MAGED1: variants seen among roughly 807,000 people sequenced by gnomAD.
The protein encoded by MAGED1 is MAGE family member D1, also known as melanoma-associated antigen D1.
MAGED1 carries 3 observed loss-of-function variants against 54.1 expected under a neutral mutation model. The ratio of observed to expected loss-of-function variants is 0.06; its 90% CI spans 0.03 to 0.14. MAGED1 has a LOEUF of 0.14. MAGED1 is among the 10% of genes least tolerant of loss of function. MAGED1 has a pLI of 1.00. For missense variants in MAGED1, 485 were observed against 623.4 expected (o/e 0.78, Z 2.36); for synonymous variants, 217 against 227.3 (o/e 0.95, Z 0.41).
chrX:51,857,836 A>C (rs1017337779), intron 1 of MAGED1: 9 of 112,221 alleles, frequency 8.0e-5, no homozygotes, highest in African/African-American at 2.6e-4. Flanking sequence ...TATGTACGTA[A>C]AAAATTATGG....
At chrX:51,827,928 C>G (rs942413334) in intron 1 of MAGED1, among the ~76,000 whole-genome samples, 1 of 111,641 alleles carries the variant, frequency 9.0e-6, no homozygotes, top group African/African-American at 3.3e-5. Context: ...TATAGACTTA[C>G]ACTGCGACTT....
chrX:51,896,889 C>T lies in MAGED1; in HGVS notation c.1234C>T (p.Leu412=), dbSNP rs1419291982. 6 of 1,206,397 alleles carry T rather than the reference C, an allele frequency of 5.0e-6. No homozygotes were observed. The highest frequency in any genetic ancestry group is 2.2e-5 in the Admixed American group (1 of 45,624). The change falls in exon 4 of 13, where the codon CTG becomes TTG. Residue 412 remains leucine, a synonymous_variant. Coordinates refer to ENST00000326587, the MANE Select transcript of MAGED1 (RefSeq NM_006986.4). ...PDWPLPPDWP[L]PPDWPLPTDW... ...CTGGCCGCTACCACCCGACTGGCCA[C>T]TGCCACCTGATTGGCCACTTCCCAC... is the stretch of plus-strand genomic sequence containing the variant.
rs782611484 is a variant in MAGED1, at chrX:51,829,852, T to C, written c.-37+26735T>C. Among the ~76,000 whole-genome samples, 9 of 111,806 alleles carry C rather than the reference T, an allele frequency of 8.0e-5. No homozygotes were observed. The Admixed American group carries it at 8.5e-4, about 11-fold the overall frequency. Reference sequence around the variant, plus strand: ...GTAGGGAAACAGTAGTCTTCATATATGGCTGATGTGGGTGGAAAGAAATAC... The same window carrying C: ...GTAGGGAAACAGTAGTCTTCATATACGGCTGATGTGGGTGGAAAGAAATAC... On this transcript the variant is annotated intron_variant, in intron 1 of 12. Transcript: ENST00000375772.
At chrX:51,873,576 A>G (rs782257048) in intron 1 of MAGED1, among the ~76,000 whole-genome samples, 72 of 102,308 alleles carry the variant, frequency 7.0e-4, no homozygotes, top group Non-Finnish European at 1.3e-3. Context: ...GGGTAGGGGC[A>G]TGTCATGTTT....
At chrX:51,814,395 CT>C (rs1557355864) in intron 1 of MAGED1, among the ~76,000 whole-genome samples, 1 of 111,516 alleles carries the variant, frequency 9.0e-6, no homozygotes, top group Non-Finnish European at 1.9e-5. Flanking sequence ...AGTGGCACCC[CT>C]GTAGCATGGA....
intron 1 of MAGED1, among the ~76,000 whole-genome samples, chrX:51,815,114 G>C (rs1477889068): frequency 9.1e-6 from 1 of 110,080 alleles, no homozygotes; most frequent in Non-Finnish European, 1.9e-5. Flanking sequence ...CTGCACTCCA[G>C]CCTGGGTGAC....
upstream of MAGED1, among the ~76,000 whole-genome samples, chrX:51,891,060 C>T (rs782255710): frequency 2.7e-5 from 3 of 112,086 alleles, no homozygotes; most frequent in Non-Finnish European, 5.6e-5. Flanking sequence ...ACATTCTTAC[C>T]ATGGAATATT....
In MAGED1 at chrX:51,894,249, G is replaced by T; in HGVS notation, c.-36-20G>T. 2.9e-6 allele frequency: 3 copies of T among 1,024,230 alleles called. No homozygotes were observed. The highest frequency in any genetic ancestry group is 2.0e-5 in the South Asian group (1 of 49,578). 84.4% of individuals were successfully genotyped at this position (1,024,230 alleles called of 1,213,427 possible). ...TCGTATTTGCCCTCTGTAGTATAAC[G>T]CCCTGCCCCTCTCCCACAGCCCCCA... On this transcript the variant is annotated intron_variant, in intron 1 of 12. Coordinates refer to ENST00000326587, the MANE Select transcript of MAGED1 (RefSeq NM_006986.4).
chrX:51,833,154 C>A (rs1317357954), intron 1 of MAGED1, among the ~76,000 whole-genome samples: 1 of 110,908 alleles, frequency 9.0e-6, no homozygotes, highest in Non-Finnish European at 1.9e-5. Context: ...TTTGAGTTGA[C>A]AAATCCCATA....
At position 51,896,724 on chromosome X, in the gene MAGED1, C is replaced by T; in HGVS notation, c.1069C>T (p.Pro357Ser). The T allele has an allele frequency of 5.8e-6, 7 of 1,212,287 alleles. No homozygotes were observed. The highest frequency in any genetic ancestry group is 7.8e-6 in the Non-Finnish European group (7 of 895,616). The change falls in exon 4 of 13, where the codon CCA becomes TCA. Residue 357 changes from proline (P) to serine (S), a missense_variant. Pro to Ser is a moderately conservative substitution (Grantham distance 74). Transcript: ENST00000326587. ...AATCTGGCAGAACCCAGTGATCTGG[C>T]CAAACCCCATTGTCTGGCCCGGCCC... ...PVIWQNPVIW[P>S]NPIVWPGPVV...
intron 1 of MAGED1, among the ~76,000 whole-genome samples, chrX:51,824,862 CTGTGTGTGTGTGTGTGTGTGTGTG>C (rs58934297): frequency 1.4e-5 from 1 of 72,671 alleles, no homozygotes; most frequent in Non-Finnish European, 2.6e-5. Context: ...TCTCAGAAAC[CTGTGTGTGTGTGTGTGTGTGTGTG>C]TGTGTGTGTG....
intron 10 of MAGED1, chrX:51,898,847 T>C (rs1374389725): frequency 2.8e-6 from 1 of 361,002 alleles, no homozygotes; most frequent in Non-Finnish European, 4.7e-6. Context: ...TACAAAAAAA[T>C]ACAAAAATTA....
At position 51,898,337 on chromosome X, in the gene MAGED1, G is replaced by T; in HGVS notation, c.1781+10G>T. On this transcript the variant is annotated intron_variant, in intron 9 of 12. Transcript: ENST00000326587. ...TGGGACTGCGTCCTGGGTATGATTG[G>T]GCTCTCTCATCTCTTGCCTGTTTGT... 1 of 1,210,639 alleles carries T rather than the reference G, an allele frequency of 8.3e-7. No homozygotes were observed. Among genetic ancestry groups the T allele is most frequent in the Non-Finnish European group, 1.1e-6 (1 of 894,654 alleles).
intron 1 of MAGED1, among the ~76,000 whole-genome samples, chrX:51,842,852 A>ATT (rs781996272): frequency 1.0e-5 from 1 of 97,151 alleles, no homozygotes; most frequent in South Asian, 4.8e-4. Context: ...TGGCTGGCTA[A>ATT]TTTTTTTTTT....
At chrX:51,889,803 C>G (rs1928374843), upstream of MAGED1, among the ~76,000 whole-genome samples, 2 of 111,056 alleles carry the variant, frequency 1.8e-5, no homozygotes, top group South Asian at 3.9e-4. Context: ...AATTCCATCA[C>G]TGCATATTTG....
chrX:51,823,893 C>T (rs1557356755), intron 1 of MAGED1, among the ~76,000 whole-genome samples: 1 of 111,094 alleles, frequency 9.0e-6, no homozygotes, highest in Non-Finnish European at 1.9e-5. Context: ...AATACAAAAG[C>T]TTTGCTTCTT....
chrX:51,869,504 GTGAACCAC>G (rs1420962909), intron 1 of MAGED1, among the ~76,000 whole-genome samples: 4 of 111,335 alleles, frequency 3.6e-5, no homozygotes, highest in Non-Finnish European at 5.7e-5. Context: ...TATTGCAGGT[GTGAACCAC>G]TGCCCTTGGC....
In MAGED1 at chrX:51,900,924, G is replaced by A. The variant is rs1408484039; in HGVS notation, c.1959+628G>A. On this transcript the variant is annotated intron_variant, in intron 11 of 12. Transcript: ENST00000326587. The stretch of plus-strand genomic sequence containing the variant: ...GTTGGGATTACAGGCGTGAGCCACC[G>A]TACCCGGCCCATTCATTTATTTTTA... 3.6e-5 allele frequency among the ~76,000 whole-genome samples: 4 copies of A among 112,376 alleles called. No homozygotes were observed. The South Asian group carries it at 1.5e-3, about 41-fold the overall frequency.
chrX:51,852,665 T>C (rs372763663), intron 1 of MAGED1, among the ~76,000 whole-genome samples: 1 of 111,993 alleles, frequency 8.9e-6, no homozygotes, highest in East Asian at 2.8e-4. Context: ...AAGTTCTCAA[T>C]TTAATGCCTT....
Sources: allele counts gnomAD v4.1 joint callset (sites outside exome capture counted in the v4.1 genomes callset), GRCh38; gene constraint gnomAD v4.1.1; transcripts MANE v1.5; gene names NCBI Gene and HGNC (gene_info 2026-07-23, HGNC 2026-07-21).